FUS: variants seen among roughly 807,000 people sequenced by gnomAD.
FUS encodes the protein FUS RNA binding protein, also known as RNA-binding protein FUS.
In FUS, 5 loss-of-function variants were observed where a neutral mutation model predicts 82.7. That is an observed-to-expected ratio of 0.06 (90% CI 0.03 to 0.13). FUS has a LOEUF of 0.13. FUS is among the 10% of genes least tolerant of loss of function. FUS has a pLI of 1.00. For missense variants in FUS, 512 were observed against 707.8 expected (o/e 0.72, Z 3.14); for synonymous variants, 281 against 247.4 (o/e 1.14, Z -1.27).
intron 3 of FUS, 96 bp from the exon 4 acceptor site, chr16:31,183,762 G>T: frequency 6.8e-7 from 1 of 1,476,078 alleles, no homozygotes. Flanking sequence ...TGAGAGGCTG[G>T]CTTTATGAGT....
At chr16:31,188,697 A>G (rs573150288) in intron 8 of FUS, 2 of 487,688 alleles carry the variant, frequency 4.1e-6, no homozygotes, top group African/African-American at 1.9e-5. Context: ...GTTGGTGAAC[A>G]AAACTAGTGA....
chr16:31,182,085 G>A lies in FUS; in HGVS notation c.14-313G>A, dbSNP rs938358845. On this transcript the variant is annotated intron_variant, in intron 1 of 14. Transcript: ENST00000254108. ...GGCTCACTGCAACCTCTGCCTCCCG[G>A]GTTCAAGCGATTCTCCTGCTTCACC... 2.0e-5 allele frequency: 8 copies of A among 394,844 alleles called. 1 individual carries two copies. Among genetic ancestry groups the A allele is most frequent in the South Asian group, 1.5e-4 (7 of 45,750 alleles). The allele number at this position is 394,844 out of a possible 1,614,324, so 24.5% of individuals were successfully genotyped here.
rs763840268 is a variant in FUS at position 31,180,165 on chromosome 16, A to C, written c.-50A>C. The C allele has an allele frequency of 5.2e-5, 83 of 1,602,864 alleles. No individual in the cohort carries two copies. The highest frequency in any genetic ancestry group is 1.6e-4 in the Middle Eastern group (1 of 6,070). On this transcript the variant is annotated 5_prime_UTR_variant, in exon 1 of 15. Coordinates refer to ENST00000254108, the MANE Select transcript of FUS (RefSeq NM_004960.4). ...CTCAGTCCTCCAGGCGTCGGTACTC[A>C]GCGGTGTTGGAACTTCGTTGCTTGC...
At position 31,184,206 on chromosome 16, in the gene FUS, T is replaced by C. The variant is rs762287304; in HGVS notation, c.336-3T>C. 3.1e-6 allele frequency: 5 copies of C among 1,614,168 alleles called. No individual in the cohort carries two copies. In the South Asian group the frequency reaches 4.4e-5, roughly 14 times the overall value. ...GATTGTGTTTTTTGTTTGTTTTCCC[T>C]AGTTACGGTAGCAGTTCTCAGAGCA... On this transcript the variant is annotated splice_polypyrimidine_tract_variant and splice_region_variant and intron_variant, in intron 4 of 14. Transcript: ENST00000254108.
chr16:31,194,554 C>T (rs1478308440), downstream of FUS: 3 of 499,882 alleles, frequency 6.0e-6, no homozygotes, highest in African/African-American at 5.8e-5. Flanking sequence ...GATTGTCCCA[C>T]TTTGGCCTCC....
chr16:31,182,717 T>A (rs777113387), intron 3 of FUS, 53 bp downstream of exon 3: 4 of 1,611,788 alleles, frequency 2.5e-6, no homozygotes, highest in East Asian at 2.2e-5. Context: ...ATATTGCTTT[T>A]CTTTTTCTTG....
At chr16:31,194,117 C>T, downstream of FUS, 2 of 533,048 alleles carry the variant, frequency 3.8e-6, no homozygotes, top group East Asian at 3.9e-5. Flanking sequence ...GCCCTTTCAG[C>T]TTTTTTCCCC....
downstream of FUS, chr16:31,192,520 G>A (rs2079375360): frequency 1.9e-6 from 1 of 513,808 alleles, no homozygotes. Flanking sequence ...GCTTACAAAT[G>A]TGCTGGGGAC....
In FUS at chr16:31,184,545, G is replaced by T. The variant is rs1001507280; in HGVS notation, c.523+149G>T. 1.7e-5 allele frequency: 14 copies of T among 827,376 alleles called. No homozygotes were observed. In the African/African-American group the frequency reaches 2.4e-4, roughly 14 times the overall value. The allele number at this position is 827,376 out of a possible 1,614,324, so 51.3% of individuals were successfully genotyped here. On this transcript the variant is annotated intron_variant, in intron 5 of 14. Coordinates refer to ENST00000254108, the MANE Select transcript of FUS (RefSeq NM_004960.4). ...TGCAAGCTCCGCCTTCCGGGTTCGC[G>T]CCAGTCTCCTGCCTCAGCCTCCCGA...
At chr16:31,184,791 A>G in intron 5 of FUS, 148 bp from the exon 6 acceptor site, 2 of 840,750 alleles carry the variant, frequency 2.4e-6, no homozygotes, top group Non-Finnish European at 3.8e-6. Context: ...TTTTAGCTTA[A>G]AAGAGGGTTC....
intron 10 of FUS, 108 bp downstream of exon 10, chr16:31,189,902 A>G (rs898640137): frequency 2.9e-5 from 47 of 1,596,118 alleles, no homozygotes; most frequent in Non-Finnish European, 3.9e-5. Flanking sequence ...CACTTACTTT[A>G]GCTGCGGTTT....
downstream of FUS, chr16:31,193,821 T>G (rs1257488964): frequency 2.1e-6 from 1 of 477,448 alleles, no homozygotes; most frequent in Non-Finnish European, 3.9e-6. Context: ...TTTAATTACT[T>G]TTTTTTTTTT....
chr16:31,190,497 A>T, intron 12 of FUS, 99 bp downstream of exon 12: 1 of 1,560,602 alleles, frequency 6.4e-7, no homozygotes, highest in Non-Finnish European at 8.8e-7. Context: ...AGTAAATGTC[A>T]AGGCCACACT....
chr16:31,193,803 AT>A (rs575407915), downstream of FUS: 555 of 490,820 alleles, frequency 1.1e-3, 1 homozygote, highest in South Asian at 2.2e-3. Flanking sequence ...CACCTGGGTA[AT>A]TTTTTTTTTA....
At chr16:31,193,754 TC>T, downstream of FUS, 1 of 531,186 alleles carries the variant, frequency 1.9e-6, no homozygotes, top group Non-Finnish European at 3.6e-6. Context: ...CACCTCAGCC[TC>T]CCAAGTAGCT....
chr16:31,181,641 AG>A (rs1287727743), intron 1 of FUS, among the ~76,000 whole-genome samples: 1 of 152,142 alleles, frequency 6.6e-6, no homozygotes, highest in Non-Finnish European at 1.5e-5. Context: ...CTGGGCTGAG[AG>A]AGCAGAGGCC....
At chr16:31,184,583 A>G (rs1459889332) in intron 5 of FUS, among the ~76,000 whole-genome samples, 187 bp downstream of exon 5, 1 of 151,978 alleles carries the variant, frequency 6.6e-6, no homozygotes, top group African/African-American at 2.4e-5. Flanking sequence ...AGCTGGGACT[A>G]CAGGCATCCG....
chr16:31,184,898 T>C (rs926297529), intron 5 of FUS, 41 bp from the exon 6 acceptor site: 2 of 1,600,944 alleles, frequency 1.2e-6, no homozygotes, highest in African/African-American at 1.3e-5. Context: ...CTTTACAATC[T>C]TTTTGTTTTT....
intron 5 of FUS, 129 bp from the exon 6 acceptor site, chr16:31,184,810 T>G: frequency 1.0e-6 from 1 of 965,698 alleles, no homozygotes; most frequent in Non-Finnish European, 1.6e-6. Flanking sequence ...TCCTGTCTTG[T>G]TTCCTAGCTG....
Sources: gnomAD v4.1 joint callset for allele counts (sites outside exome capture counted in the v4.1 genomes callset) on GRCh38, gnomAD v4.1.1 for gene constraint, MANE v1.5 for transcripts, NCBI Gene and HGNC (gene_info 2026-07-23, HGNC 2026-07-21) for gene names.